STXBP3: variants seen among roughly 807,000 people sequenced by gnomAD.
STXBP3 encodes the protein syntaxin binding protein 3, also known as syntaxin-binding protein 3.
A neutral mutation model predicts 85.7 loss-of-function variants in STXBP3; 41 were observed. The observed-to-expected ratio is 0.48, with a 90% CI of 0.37 to 0.62. STXBP3 has a LOEUF of 0.62. Among genes scored for constraint, STXBP3 ranks in the 20% least tolerant of loss-of-function variants. The probability of loss-of-function intolerance (pLI) is 0.00; values close to 1 mark genes in which losing one functional copy is unlikely to be tolerated. For missense variants in STXBP3, 563 were observed against 703.1 expected, an observed-to-expected ratio of 0.80 and a Z score of 2.25; for synonymous variants, 229 against 231.7, an observed-to-expected ratio of 0.99 and a Z score of 0.10.
intron 3 of STXBP3, among the ~76,000 whole-genome samples, chr1:108,756,390 T>C (rs911828718): frequency 1.3e-5 from 2 of 152,066 alleles, no homozygotes; most frequent in African/African-American, 4.8e-5. Flanking sequence ...ACTTGCAAGG[T>C]TATTATGAAT....
intron 17 of STXBP3, among the ~76,000 whole-genome samples, chr1:108,803,551 C>T (rs116577081): frequency 0.02 from 3,014 of 152,238 alleles, 48 homozygotes; most frequent in Non-Finnish European, 0.028. Context: ...TGCAGTGGCA[C>T]GATCTCGGCT....
chr1:108,751,835 A>G (rs1342288596), intron 1 of STXBP3, among the ~76,000 whole-genome samples: 1 of 152,176 alleles, frequency 6.6e-6, no homozygotes, highest in African/African-American at 2.4e-5. Context: ...AGCATAATGT[A>G]GTAAATCAGT....
chr1:108,768,017 A>G (rs1208232252), intron 6 of STXBP3, among the ~76,000 whole-genome samples: 1 of 152,236 alleles, frequency 6.6e-6, no homozygotes, highest in Non-Finnish European at 1.5e-5. Flanking sequence ...AAAATTTTTT[A>G]GCTGGGCATA....
In STXBP3 at chr1:108,746,802, T is replaced by TAGGG. The variant is rs1557797144; in HGVS notation, c.49+17_49+20dup. 1.1e-5 allele frequency: 17 copies of TAGGG among 1,529,116 alleles called. No homozygotes were observed. The highest frequency in any genetic ancestry group is 1.5e-5 in the Non-Finnish European group (17 of 1,138,570). The allele number at this position is 1,529,116 out of a possible 1,614,324, so 94.7% of individuals were successfully genotyped here. A position where few individuals can be genotyped will look rare whatever the true frequency, so the allele number is the denominator to read the frequency against. On this transcript the variant is annotated intron_variant, in intron 1 of 18. Transcript: ENST00000370008. The stretch of plus-strand genomic sequence containing the variant: ...GTGTGGCAGAGTGAGTGCGGTGGGG[T>TAGGG]AGGGGTTGAGAGAGGGAAGGCCGGG...
intron 11 of STXBP3, among the ~76,000 whole-genome samples, chr1:108,783,295 T>C (rs563277245): frequency 6.6e-6 from 1 of 152,336 alleles, no homozygotes; most frequent in South Asian, 2.1e-4. Flanking sequence ...TGGATAACTT[T>C]TACTTATATA....
intron 8 of STXBP3, among the ~76,000 whole-genome samples, chr1:108,778,926 C>T (rs1662654269): frequency 6.6e-6 from 1 of 152,162 alleles, no homozygotes; most frequent in African/African-American, 2.4e-5. Context: ...GCAGGTTTCA[C>T]ATCCTGCAAA....
At position 108,804,033 on chromosome 1, in the gene STXBP3, G is replaced by A. The variant is rs555042930; in HGVS notation, c.1536-3368G>A. The stretch of plus-strand genomic sequence containing the variant: ...GTCCTCGGTTCTGTATATTCTCTGT[G>A]CTATGTGTATCTGAGGATTTATTTT... On this transcript the variant is annotated intron_variant, in intron 17 of 18. Transcript: ENST00000370008. 3.9e-5 allele frequency among the ~76,000 whole-genome samples: 6 copies of A among 152,142 alleles called. No homozygotes were observed. The South Asian group carries it at 1.2e-3, about 32-fold the overall frequency.
At chr1:108,778,714 C>T (rs1051695981) in intron 8 of STXBP3, among the ~76,000 whole-genome samples, 2 of 152,068 alleles carry the variant, frequency 1.3e-5, no homozygotes, top group Non-Finnish European at 2.9e-5. Context: ...TTTTGGAACT[C>T]AATTCATAAG....
chr1:108,791,905 T>C (rs1662982497), intron 11 of STXBP3, among the ~76,000 whole-genome samples: 1 of 152,210 alleles, frequency 6.6e-6, no homozygotes, highest in African/African-American at 2.4e-5. Context: ...TAATACACTA[T>C]GGCTCTTTTC....
At chr1:108,805,683 G>A (rs536421187) in intron 17 of STXBP3, among the ~76,000 whole-genome samples, 4 of 152,254 alleles carry the variant, frequency 2.6e-5, no homozygotes, top group African/African-American at 4.8e-5. Flanking sequence ...TCGGCCTCCC[G>A]AAGTGCTGGG....
chr1:108,790,922 C>CA (rs1384035620), intron 11 of STXBP3, among the ~76,000 whole-genome samples: 2 of 151,556 alleles, frequency 1.3e-5, no homozygotes, highest in East Asian at 1.9e-4. Flanking sequence ...AAGAAAAACC[C>CA]AAAAAAATAA....
chr1:108,767,119 C>T (rs1662279936), intron 6 of STXBP3: 1 of 328,810 alleles, frequency 3.0e-6, no homozygotes, highest in South Asian at 2.6e-5. Flanking sequence ...TGTTCACCTA[C>T]AACAACTTGG....
intron 6 of STXBP3, among the ~76,000 whole-genome samples, chr1:108,767,976 A>G (rs1015861971): frequency 6.6e-6 from 1 of 152,192 alleles, no homozygotes; most frequent in Non-Finnish European, 1.5e-5. Flanking sequence ...ATTGAGTCAC[A>G]TGGCTACACA....
At chr1:108,782,769 CTTTAT>C (rs1243655016) in intron 11 of STXBP3, 63 bp downstream of exon 11, 44 of 1,422,578 alleles carry the variant, frequency 3.1e-5, no homozygotes, top group Non-Finnish European at 4.0e-5. Flanking sequence ...TGTTTAAAAT[CTTTAT>C]TTTATTTCTG....
chr1:108,778,075 T>C (rs914984042), intron 8 of STXBP3, among the ~76,000 whole-genome samples: 1 of 152,162 alleles, frequency 6.6e-6, no homozygotes, highest in African/African-American at 2.4e-5. Context: ...AAGGCTGGAC[T>C]CAGATTCAGA....
chr1:108,764,681 C>T (rs1662219964), intron 6 of STXBP3, among the ~76,000 whole-genome samples: 2 of 152,070 alleles, frequency 1.3e-5, no homozygotes, highest in South Asian at 4.1e-4. Flanking sequence ...GCTTGTGGGT[C>T]ACCTGTATGT....
chr1:108,767,082 G>A (rs1662279302), intron 6 of STXBP3: 1 of 347,676 alleles, frequency 2.9e-6, no homozygotes, highest in Non-Finnish European at 5.7e-6. Flanking sequence ...ATAAAATATG[G>A]AAGGTGCTGG....
intron 3 of STXBP3, among the ~76,000 whole-genome samples, chr1:108,755,066 G>A (rs2101103439): frequency 6.6e-6 from 1 of 151,956 alleles, no homozygotes. Context: ...GTAGTGTCTT[G>A]GGATTAAAAC....
At chr1:108,794,478 C>G (rs949689617) in intron 12 of STXBP3, among the ~76,000 whole-genome samples, 1 of 152,190 alleles carries the variant, frequency 6.6e-6, no homozygotes, top group Non-Finnish European at 1.5e-5. Flanking sequence ...ATGCCAGACA[C>G]TTGTAAAACC....
Sources: allele counts gnomAD v4.1 joint callset (sites outside exome capture counted in the v4.1 genomes callset), GRCh38; gene constraint gnomAD v4.1.1; transcripts MANE v1.5; gene names NCBI Gene and HGNC (gene_info 2026-07-23, HGNC 2026-07-21).